DIP2C: variants seen among roughly 807,000 people sequenced by gnomAD.
DIP2C encodes the protein disco-interacting protein 2 homolog C.
In DIP2C, 33 loss-of-function variants were observed where a neutral mutation model predicts 192.4. The observed-to-expected ratio is 0.17, with a 90% CI of 0.13 to 0.23. DIP2C has a LOEUF of 0.23. Ranked by LOEUF, DIP2C falls within the 10% of genes least tolerant of loss-of-function variation. DIP2C has a pLI of 1.00. For synonymous variants in DIP2C, 979 were observed against 864.1 expected (o/e 1.13, Z -2.33); for missense variants, 1,537 against 2,110.1 (o/e 0.73, Z 5.32).
At chr10:336,684 C>T (rs560059464) in intron 29 of DIP2C, among the ~76,000 whole-genome samples, 1 of 152,366 alleles carries the variant, frequency 6.6e-6, no homozygotes, top group South Asian at 2.1e-4. Context: ...GTGGGTCCTT[C>T]AGGAGGGTCT....
At chr10:610,223 A>T (rs1410324681) in intron 1 of DIP2C, among the ~76,000 whole-genome samples, 2 of 152,190 alleles carry the variant, frequency 1.3e-5, no homozygotes, top group Non-Finnish European at 2.9e-5. Context: ...CACAGAAAGA[A>T]ATGGTGCATG....
At chr10:427,889 GTCAA>G (rs1431574706) in intron 4 of DIP2C, among the ~76,000 whole-genome samples, 1 of 152,122 alleles carries the variant, frequency 6.6e-6, no homozygotes, top group Non-Finnish European at 1.5e-5. Context: ...TACAATAAGA[GTCAA>G]TCATTCTACT....
At chr10:400,123 C>T (rs1460550205) in intron 9 of DIP2C, among the ~76,000 whole-genome samples, 1 of 151,368 alleles carries the variant, frequency 6.6e-6, no homozygotes, top group Non-Finnish European at 1.5e-5. Flanking sequence ...TAGCTCACTG[C>T]AGCCTTGAAC....
intron 1 of DIP2C, chr10:650,697 G>GGGGCC: frequency 1.6e-6 from 1 of 621,324 alleles, no homozygotes; most frequent in East Asian, 2.7e-5. Context: ...TTAGAGCCCA[G>GGGGCC]ATGGCTTCTG....
intron 31 of DIP2C, among the ~76,000 whole-genome samples, chr10:314,384 G>A (rs1001862012): frequency 1.3e-5 from 2 of 152,088 alleles, no homozygotes; most frequent in African/African-American, 4.8e-5. Context: ...CATCTTTCCT[G>A]ACCCCTCTGA....
chr10:345,489 G>A (rs575424204), intron 26 of DIP2C, among the ~76,000 whole-genome samples: 24 of 139,826 alleles, frequency 1.7e-4, no homozygotes, highest in Admixed American at 6.6e-4. Context: ...GGCACATCGC[G>A]CACAGTTCTC....
At chr10:427,529 T>A (rs972374345) in intron 4 of DIP2C, among the ~76,000 whole-genome samples, 1 of 152,160 alleles carries the variant, frequency 6.6e-6, no homozygotes, top group African/African-American at 2.4e-5. Flanking sequence ...TCAGATCGTA[T>A]AAGGCACCTA....
intron 17 of DIP2C, among the ~76,000 whole-genome samples, chr10:374,800 T>TC (rs952575767): frequency 4.6e-5 from 7 of 152,140 alleles, no homozygotes; most frequent in Non-Finnish European, 1.0e-4. Context: ...GAAGAAACAG[T>TC]CCCCATAGGC....
At chr10:355,222 T>A (rs1425953385) in intron 24 of DIP2C, among the ~76,000 whole-genome samples, 1 of 152,044 alleles carries the variant, frequency 6.6e-6, no homozygotes, top group Non-Finnish European at 1.5e-5. Flanking sequence ...TGGGAAACAG[T>A]CTTGAGCAGA....
chr10:414,595 G>A (rs1173714582), intron 7 of DIP2C, among the ~76,000 whole-genome samples: 1 of 151,190 alleles, frequency 6.6e-6, no homozygotes, highest in African/African-American at 2.4e-5. Context: ...CTGCAGCCTC[G>A]ACCTCCCAGG....
At chr10:307,901 C>T (rs1230097866) in intron 32 of DIP2C, among the ~76,000 whole-genome samples, 1 of 146,168 alleles carries the variant, frequency 6.8e-6, no homozygotes, top group Non-Finnish European at 1.5e-5. Flanking sequence ...GGCACACGGT[C>T]CCTCTGGAGG....
In DIP2C at chr10:341,269, G is replaced by A. The variant is rs758923591; in HGVS notation, c.3514C>T (p.Pro1172Ser). Residue 1172 changes from proline to serine, a missense_variant, in exon 29 of 37, where the codon CCC (proline) becomes TCC (serine). Physicochemically the swap from Pro to Ser is moderately conservative, Grantham distance 74. Transcript: ENST00000280886. ...RSIKLQCELY[P>S]SREVAICLDP... ...AGGCAGATGGCCACTTCTCTAGAGG[G>A]GTAAAGTTCACACTGCAGCTTAATG... 6.8e-6 allele frequency: 11 copies of A among 1,614,200 alleles called. No homozygotes were observed. Among genetic ancestry groups the A allele is most frequent in the Non-Finnish European group, 9.3e-6 (11 of 1,180,042 alleles).
In DIP2C at chr10:596,496, C is replaced by CAAAAAAAAAAA. The variant is rs56298679; in HGVS notation, c.85+92987_85+92997dup. Among the ~76,000 whole-genome samples, 16 of 52,934 alleles carry CAAAAAAAAAAA rather than the reference C, an allele frequency of 3.0e-4. 2 individuals are homozygous for CAAAAAAAAAAA. Among genetic ancestry groups the CAAAAAAAAAAA allele is most frequent in the African/African-American group, 7.4e-4 (10 of 13,546 alleles). The allele number at this position is 52,934 out of a possible 152,430, so 34.7% of individuals were successfully genotyped here. ...GGGCGACCAGTGCGAAACTCCATCT[C>CAAAAAAAAAAA]AAAAAAAAAAAAAAAAAAAAAAAAA... On this transcript the variant is annotated intron_variant, in intron 1 of 36. Coordinates refer to ENST00000280886, the MANE Select transcript of DIP2C (RefSeq NM_014974.3).
intron 17 of DIP2C, among the ~76,000 whole-genome samples, chr10:379,330 C>T (rs192040141): frequency 2.6e-5 from 4 of 151,964 alleles, no homozygotes; most frequent in East Asian, 1.9e-4. Context: ...ATTTATCAAG[C>T]GGGATACTGG....
rs370810751 is a variant in DIP2C at position 388,202 on chromosome 10, G to C, written c.1598-393C>G. Among the ~76,000 whole-genome samples, 46 of 152,134 alleles carry C rather than the reference G, an allele frequency of 3.0e-4. 1 individual carries two copies. Among genetic ancestry groups the C allele is most frequent in the East Asian group, 1.5e-3 (8 of 5,196 alleles). On this transcript the variant is annotated intron_variant, in intron 13 of 36. Coordinates refer to ENST00000280886, the MANE Select transcript of DIP2C (RefSeq NM_014974.3). ...GCACAGAGGAGGAAGTGGATTTTTG[G>C]CAACACAGGGGCCTACACAGCTCTA...
intron 1 of DIP2C, among the ~76,000 whole-genome samples, chr10:576,968 A>C (rs1052491190): frequency 6.6e-6 from 1 of 152,148 alleles, no homozygotes; most frequent in Non-Finnish European, 1.5e-5. Flanking sequence ...CAAGGTCCAC[A>C]TTCCATTTAC....
chr10:627,274 G>A (rs2131864651), intron 1 of DIP2C, among the ~76,000 whole-genome samples: 1 of 152,338 alleles, frequency 6.6e-6, no homozygotes, highest in South Asian at 2.1e-4. Context: ...CAAGGGCCCA[G>A]GGCTGCTGTG....
chr10:372,013 A>G (rs1961019611), intron 17 of DIP2C, among the ~76,000 whole-genome samples: 1 of 152,174 alleles, frequency 6.6e-6, no homozygotes, highest in African/African-American at 2.4e-5. Context: ...CGGAAGGGAA[A>G]AAGTTATCTC....
intron 17 of DIP2C, among the ~76,000 whole-genome samples, chr10:381,856 G>A (rs1029254946): frequency 6.6e-6 from 1 of 152,120 alleles, no homozygotes; most frequent in Non-Finnish European, 1.5e-5. Context: ...GCTGCCCCAA[G>A]AGCCCCACAC....
Sources: allele counts gnomAD v4.1 joint callset (sites outside exome capture counted in the v4.1 genomes callset), GRCh38; gene constraint gnomAD v4.1.1; transcripts MANE v1.5; gene names NCBI Gene and HGNC (gene_info 2026-07-23, HGNC 2026-07-21).